COL14A1: variants seen among roughly 807,000 people sequenced by gnomAD.
The protein encoded by COL14A1 is collagen type XIV alpha 1 chain, also known as collagen alpha-1(XIV) chain.
A neutral mutation model predicts 230.3 loss-of-function variants in COL14A1; 136 were observed. The observed-to-expected ratio is 0.59, with a 90% CI of 0.51 to 0.68. The LOEUF is 0.68. Among genes scored for constraint, COL14A1 ranks in the 30% least tolerant of loss-of-function variants. The pLI is 0.00. For missense variants in COL14A1, 1,976 were observed against 2,215.8 expected (o/e 0.89, Z 2.17); for synonymous variants, 792 against 784.1 (o/e 1.01, Z -0.17).
At chr8:120,286,017 G>T (rs1820189821) in intron 33 of COL14A1, 47 bp downstream of exon 33, 3 of 1,115,838 alleles carry the variant, frequency 2.7e-6, no homozygotes, top group South Asian at 2.6e-5. Flanking sequence ...ATTTGCTATT[G>T]AACAAAGCCA....
At position 120,367,236 on chromosome 8, in the gene COL14A1, C is replaced by A. The variant is rs759961302; in HGVS notation, c.5143C>A (p.Pro1715Thr). 1.2e-5 allele frequency: 19 copies of A among 1,609,820 alleles called. No individual in the cohort carries two copies. The highest frequency in any genetic ancestry group is 1.4e-5 in the Non-Finnish European group (17 of 1,178,750). The change falls in exon 46 of 48, where the codon CCT becomes ACT. Residue 1715 changes from proline to threonine, a missense_variant. Around this residue, in one of 3 missense-constraint regions of COL14A1, gnomAD observed 1,791 missense variants for 2,019.5 expected, o/e 0.89. Coordinates refer to ENST00000297848, the MANE Select transcript of COL14A1 (RefSeq NM_021110.4). ...GVGTQGPRGP[P>T]GPAGPSGESR... ...TGGAACCCAAGGTCCAAGAGGCCCC[C>A]CTGGACCAGCAGGTAAATCTTCCTT...
At chr8:120,186,374 C>T (rs1031293959) in intron 5 of COL14A1, among the ~76,000 whole-genome samples, 2 of 152,126 alleles carry the variant, frequency 1.3e-5, no homozygotes. Context: ...AGTGAAAAAT[C>T]GTTCTGTGGC....
intron 40 of COL14A1, among the ~76,000 whole-genome samples, chr8:120,330,883 A>T (rs1033236327): frequency 1.3e-5 from 2 of 152,174 alleles, no homozygotes; most frequent in Non-Finnish European, 2.9e-5. Context: ...AGGCAGGCAG[A>T]TCACCTGAGG....
intron 45 of COL14A1, among the ~76,000 whole-genome samples, chr8:120,355,498 C>T (rs1332860221): frequency 3.3e-5 from 5 of 150,766 alleles, no homozygotes; most frequent in South Asian, 2.1e-4. Flanking sequence ...CTGCAACCTC[C>T]GCCCCCCGGG....
intron 5 of COL14A1, among the ~76,000 whole-genome samples, chr8:120,173,136 A>G (rs1235250631): frequency 6.6e-6 from 1 of 152,154 alleles, no homozygotes; most frequent in Non-Finnish European, 1.5e-5. Context: ...ATTCTACTGT[A>G]AAGAAGCTTT....
chr8:120,161,773 C>T (rs1372365361), intron 3 of COL14A1, among the ~76,000 whole-genome samples: 2 of 152,126 alleles, frequency 1.3e-5, no homozygotes, highest in Non-Finnish European at 2.9e-5. Flanking sequence ...AAACGATTGT[C>T]CTGCCGCAGC....
intron 19 of COL14A1, among the ~76,000 whole-genome samples, chr8:120,238,478 A>G (rs1818517038): frequency 6.6e-6 from 1 of 152,112 alleles, no homozygotes. Context: ...CGAGCATCCC[A>G]GGTTGACTTC....
intron 1 of COL14A1, among the ~76,000 whole-genome samples, chr8:120,147,093 T>G (rs1290870076): frequency 6.6e-6 from 1 of 151,950 alleles, no homozygotes; most frequent in African/African-American, 2.4e-5. Flanking sequence ...GTTAAAATTT[T>G]TATTATTAAT....
At chr8:120,317,549 CT>C (rs1821278318) in intron 40 of COL14A1, among the ~76,000 whole-genome samples, 2 of 152,168 alleles carry the variant, frequency 1.3e-5, no homozygotes, top group Non-Finnish European at 2.9e-5. Context: ...AGGGCGTAGG[CT>C]AAGATCCTGT....
chr8:120,294,007 A>C (rs1334988381), intron 34 of COL14A1, among the ~76,000 whole-genome samples: 5 of 151,882 alleles, frequency 3.3e-5, no homozygotes, highest in Non-Finnish European at 5.9e-5. Context: ...TGATGGCGTC[A>C]ATAAAGGTTA....
chr8:120,300,157 T>C (rs887029957), intron 35 of COL14A1, among the ~76,000 whole-genome samples: 1 of 151,850 alleles, frequency 6.6e-6, no homozygotes, highest in African/African-American at 2.4e-5. Flanking sequence ...AGAAGAAAAA[T>C]GTTCTCCTAT....
intron 45 of COL14A1, among the ~76,000 whole-genome samples, chr8:120,361,139 T>C (rs1334451180): frequency 6.6e-6 from 1 of 152,186 alleles, no homozygotes; most frequent in Non-Finnish European, 1.5e-5. Context: ...AAGTTACATC[T>C]TTGCTTGGTT....
At chr8:120,146,041 G>A (rs1252850171) in intron 1 of COL14A1, among the ~76,000 whole-genome samples, 1 of 152,164 alleles carries the variant, frequency 6.6e-6, no homozygotes, top group Non-Finnish European at 1.5e-5. Flanking sequence ...GTCTGATCAT[G>A]TCTATGTGGT....
rs1388859149 is a variant in COL14A1, at chr8:120,162,482, G to A, written c.262G>A (p.Gly88Ser). Residue 88 changes from glycine (G) to serine (S), a missense_variant, in exon 4 of 48, where the codon GGC (glycine) becomes AGC (serine). Gly to Ser is a moderately conservative substitution (Grantham distance 56, BLOSUM62 0). Coordinates refer to ENST00000297848, the MANE Select transcript of COL14A1 (RefSeq NM_021110.4). ...QNTATKAIIQ[G>S]LMPDQNYTVQ... ...CACTGCAACTAAAGCAATTATTCAA[G>A]GCCTTATGCCAGACCAGAATTACAC... 1 of 1,612,262 alleles carries A rather than the reference G, an allele frequency of 6.2e-7. No homozygotes were observed. Among genetic ancestry groups the A allele is most frequent in the Non-Finnish European group, 8.5e-7 (1 of 1,179,270 alleles).
chr8:120,358,125 A>G (rs1412653894), intron 45 of COL14A1, among the ~76,000 whole-genome samples: 1 of 152,208 alleles, frequency 6.6e-6, no homozygotes, highest in Non-Finnish European at 1.5e-5. Flanking sequence ...AGCTAATATC[A>G]TTGTTTCTGT....
chr8:120,193,633 C>G (rs1816914061), intron 5 of COL14A1, among the ~76,000 whole-genome samples: 1 of 152,202 alleles, frequency 6.6e-6, no homozygotes, highest in Non-Finnish European at 1.5e-5. Flanking sequence ...TTTTGTTTGT[C>G]TGTGCCCTGC....
At chr8:120,157,737 G>A (rs1815526565) in intron 2 of COL14A1, among the ~76,000 whole-genome samples, 1 of 152,144 alleles carries the variant, frequency 6.6e-6, no homozygotes, top group Non-Finnish European at 1.5e-5. Flanking sequence ...TGTAATCCCA[G>A]CACTTTGGGA....
At chr8:120,364,604 C>G (rs2130379922) in intron 45 of COL14A1, among the ~76,000 whole-genome samples, 1 of 152,200 alleles carries the variant, frequency 6.6e-6, no homozygotes, top group East Asian at 1.9e-4. Flanking sequence ...TAAAATCAGC[C>G]AGGCATGGTG....
chr8:120,236,531 C>T (rs1818451400), intron 19 of COL14A1, among the ~76,000 whole-genome samples: 1 of 151,818 alleles, frequency 6.6e-6, no homozygotes, highest in Non-Finnish European at 1.5e-5. Context: ...TGAGATGGGT[C>T]TCCTGAATAC....
Sources: gnomAD v4.1 joint callset for allele counts (sites outside exome capture counted in the v4.1 genomes callset) on GRCh38, gnomAD v4.1.1 for gene constraint, gnomAD v4.1.1 regional missense constraint, MANE v1.5 for transcripts, NCBI Gene and HGNC (gene_info 2026-07-23, HGNC 2026-07-21) for gene names.